The following ORC4 variants were observed in gnomAD, a reference collection of about 807,000 sequenced individuals.
ORC4 encodes origin recognition complex subunit 4.
A neutral mutation model predicts 63.9 loss-of-function variants in ORC4; 55 were observed. That is an observed-to-expected ratio of 0.86 (90% CI 0.69 to 1.08). The LOEUF (loss-of-function observed/expected upper bound fraction) is 1.08, where lower values mean the gene tolerates loss of function less well. ORC4 is among the 50% of genes least tolerant of loss of function. The probability of loss-of-function intolerance (pLI) is 0.00; values close to 1 mark genes in which losing one functional copy is unlikely to be tolerated. For missense variants in ORC4, 511 were observed against 504.4 expected (o/e 1.01, Z -0.13); for synonymous variants, 150 against 168.5 (o/e 0.89, Z 0.85).
At chr2:147,981,105 A>C (rs1348394788) in intron 1 of ORC4, among the ~76,000 whole-genome samples, 1 of 152,346 alleles carries the variant, frequency 6.6e-6, no homozygotes, top group East Asian at 1.9e-4. Flanking sequence ...TGTTAGCTGA[A>C]ATAAGCCAGG....
At chr2:147,997,689 C>T (rs561675781) in intron 1 of ORC4, among the ~76,000 whole-genome samples, 84 of 152,202 alleles carry the variant, frequency 5.5e-4, no homozygotes, top group African/African-American at 1.9e-3. Flanking sequence ...TAATATTACA[C>T]ATATTAGCAT....
At chr2:147,939,076 C>A in intron 11 of ORC4, 64 bp downstream of exon 11, 1 of 961,576 alleles carries the variant, frequency 1.0e-6, no homozygotes, top group Non-Finnish European at 1.7e-6. Context: ...ATTTTAAAAA[C>A]ATTCCATTAT....
chr2:147,989,756 C>T (rs1236295950), intron 1 of ORC4, among the ~76,000 whole-genome samples: 1 of 152,030 alleles, frequency 6.6e-6, no homozygotes, highest in Admixed American at 6.6e-5. Context: ...AAACCATGCA[C>T]CACTTTCCAA....
chr2:147,955,340 T>C lies in ORC4; in HGVS notation c.436+7A>G, dbSNP rs1326235346. Reference sequence around the variant, plus strand: ...CTTCTGAAACGGCTGAATATGTTAATATTTACCTTTTTTTAAAGCTTCCAG... The same window carrying C: ...CTTCTGAAACGGCTGAATATGTTAACATTTACCTTTTTTTAAAGCTTCCAG... On this transcript the variant is annotated splice_region_variant and intron_variant, in intron 7 of 13. Coordinates refer to ENST00000392857, the MANE Select transcript of ORC4 (RefSeq NM_181741.4). 3.2e-6 allele frequency: 5 copies of C among 1,584,292 alleles called. No homozygotes were observed. The highest frequency in any genetic ancestry group is 2.7e-5 in the African/African-American group (2 of 74,220).
At chr2:147,966,742 T>C (rs772391395) in intron 4 of ORC4, among the ~76,000 whole-genome samples, 1 of 152,110 alleles carries the variant, frequency 6.6e-6, no homozygotes, top group African/African-American at 2.4e-5. Flanking sequence ...AATCCAGTAC[T>C]GGATGGCTTT....
chr2:147,956,508 T>A (rs1313312978), intron 6 of ORC4, among the ~76,000 whole-genome samples: 6 of 152,204 alleles, frequency 3.9e-5, no homozygotes, highest in African/African-American at 1.4e-4. Flanking sequence ...AGAAAAGCTG[T>A]GGGTTGAATT....
At chr2:147,946,969 T>A (rs927572380) in intron 9 of ORC4, among the ~76,000 whole-genome samples, 11 of 151,982 alleles carry the variant, frequency 7.2e-5, no homozygotes, top group Non-Finnish European at 1.2e-4. Context: ...TATGATATTT[T>A]AAAAAAATGA....
At chr2:147,943,338 G>A (rs970632940) in intron 10 of ORC4, 98 bp downstream of exon 10, 1 of 779,256 alleles carries the variant, frequency 1.3e-6, no homozygotes, top group Non-Finnish European at 2.3e-6. Context: ...ATGGCTTAAG[G>A]CCAGGAGTTC....
chr2:147,951,527 G>C (rs1222147982), intron 8 of ORC4: 1 of 152,126 alleles, frequency 6.6e-6, no homozygotes, highest in Admixed American at 6.6e-5. Flanking sequence ...ACTCCTATCT[G>C]GTTCGTTTTT....
At chr2:147,986,849 A>C (rs1435033689) in intron 1 of ORC4, among the ~76,000 whole-genome samples, 2 of 151,908 alleles carry the variant, frequency 1.3e-5, no homozygotes, top group Non-Finnish European at 2.9e-5. Flanking sequence ...TAAAAAACTA[A>C]AACCAAAAAA....
Position 148,020,278 on chromosome 2 carries a change from G to T in ORC4, c.-18+355C>A, listed in dbSNP as rs192649438. On this transcript the variant is annotated intron_variant, in intron 1 of 13. Coordinates refer to ENST00000392857, the MANE Select transcript of ORC4 (RefSeq NM_181741.4). The stretch of plus-strand genomic sequence containing the variant: ...GAGGACTTGTCTCTGTCCCTAGATA[G>T]AAGTCCTCCGTCCTGCAGTCATGAG... Among the ~76,000 whole-genome samples, 1,201 of 152,282 alleles carry T rather than the reference G, an allele frequency of 7.9e-3. 23 individuals carry two copies. Among genetic ancestry groups the T allele is most frequent in the Non-Finnish European group, 7.3e-3 (499 of 68,010 alleles).
intron 10 of ORC4, among the ~76,000 whole-genome samples, chr2:147,940,451 A>G (rs959812362): frequency 2.0e-5 from 3 of 152,132 alleles, no homozygotes; most frequent in Admixed American, 6.6e-5. Flanking sequence ...AAAAGAAAGA[A>G]GTCATTATTT....
chr2:147,935,763 C>G, intron 13 of ORC4, 65 bp from the exon 14 acceptor site: 8 of 1,343,150 alleles, frequency 6.0e-6, no homozygotes, highest in South Asian at 1.2e-5. Context: ...CCTGTTCTCT[C>G]CCAGAGAACA....
intron 1 of ORC4, among the ~76,000 whole-genome samples, chr2:147,985,443 G>T (rs1235912249): frequency 3.3e-5 from 5 of 152,172 alleles, no homozygotes. Context: ...TGATCCGCCT[G>T]CCTCGGCCTC....
In ORC4 at chr2:147,935,840, TA is replaced by T. The variant is rs901375269; in HGVS notation, c.1123-143del. 95 of 669,092 alleles carry T rather than the reference TA, an allele frequency of 1.4e-4. No individual in the cohort carries two copies. The African/African-American group carries it at 1.4e-3, about 10-fold the overall frequency. 41.4% of individuals were successfully genotyped at this position (669,092 alleles called of 1,614,324 possible). A position where few individuals can be genotyped will look rare whatever the true frequency, so the allele number is the denominator to read the frequency against. On this transcript the variant is annotated intron_variant, in intron 13 of 13. Coordinates refer to ENST00000392857, the MANE Select transcript of ORC4 (RefSeq NM_181741.4). ...AAAATGTAACAACAATCAATAGGAT[TA>T]AAAAAACTCTCACAACCCCATGAAA...
intron 4 of ORC4, among the ~76,000 whole-genome samples, chr2:147,962,869 G>C (rs555591240): frequency 5.5e-4 from 84 of 152,118 alleles, no homozygotes; most frequent in African/African-American, 1.9e-3. Context: ...CTGAAAAATA[G>C]CCCAGAAGGT....
chr2:147,944,746 G>A (rs1473549483), intron 9 of ORC4, among the ~76,000 whole-genome samples: 2 of 150,042 alleles, frequency 1.3e-5, no homozygotes, highest in Non-Finnish European at 3.0e-5. Context: ...ATTTTCTAGA[G>A]CTGTAATTAT....
intron 10 of ORC4, among the ~76,000 whole-genome samples, chr2:147,942,721 A>G (rs1172117813): frequency 2.0e-5 from 3 of 152,048 alleles, no homozygotes; most frequent in East Asian, 1.9e-4. Context: ...CTAATTCAAC[A>G]TAACACTGGA....
intron 9 of ORC4, among the ~76,000 whole-genome samples, chr2:147,947,071 A>G (rs1202155114): frequency 6.6e-6 from 1 of 152,022 alleles, no homozygotes; most frequent in Non-Finnish European, 1.5e-5. Flanking sequence ...AACGCTTCCA[A>G]TTTAGTATTA....
Sources: allele counts gnomAD v4.1 joint callset (sites outside exome capture counted in the v4.1 genomes callset), GRCh38; gene constraint gnomAD v4.1.1; transcripts MANE v1.5; gene names NCBI Gene and HGNC (gene_info 2026-07-23, HGNC 2026-07-21).